The following ZDHHC11 variants were observed in gnomAD, a reference collection of about 807,000 sequenced individuals.
ZDHHC11 encodes the protein palmitoyltransferase ZDHHC11.
A neutral mutation model predicts 51.3 loss-of-function variants in ZDHHC11; 44 were observed. The ratio of observed to expected loss-of-function variants is 0.86; its 90% CI spans 0.67 to 1.10. The LOEUF (loss-of-function observed/expected upper bound fraction) is 1.10. ZDHHC11 is among the 50% of genes least tolerant of loss of function. The pLI, the probability that ZDHHC11 is intolerant of heterozygous loss-of-function variation, is 0.00. For synonymous variants in ZDHHC11, 163 were observed against 222.0 expected, an observed-to-expected ratio of 0.73 and a Z score of 2.36; for missense variants, 400 against 537.7, an observed-to-expected ratio of 0.74 and a Z score of 2.53.
At chr5:807,410 C>T (rs1739425938) in intron 11 of ZDHHC11, among the ~76,000 whole-genome samples, 1 of 151,080 alleles carries the variant, frequency 6.6e-6, no homozygotes, top group Non-Finnish European at 1.5e-5. Context: ...GAATAGGGGC[C>T]CCGTCTCAAC....
At chr5:833,255 A>C (rs1743297516) in intron 7 of ZDHHC11, among the ~76,000 whole-genome samples, 2 of 152,196 alleles carry the variant, frequency 1.3e-5, no homozygotes, top group African/African-American at 4.8e-5. Context: ...AATAAAACGA[A>C]CCGCACTGCA....
intron 7 of ZDHHC11, among the ~76,000 whole-genome samples, chr5:829,517 C>A (rs1429566934): frequency 6.6e-6 from 1 of 151,588 alleles, no homozygotes. Context: ...AAAAAATTGC[C>A]AACTAAAATA....
rs56138912 is a variant in ZDHHC11 at position 813,314 on chromosome 5, T to A, written c.1181+1447A>T. On this transcript the variant is annotated intron_variant, in intron 11 of 12. Coordinates refer to ENST00000283441, the MANE Select transcript of ZDHHC11 (RefSeq NM_024786.3). ...CTGCACTGCAGCCTGGGTGACAGAG[T>A]AAGACCCTGTCTCAAAAAAATAAAA... 3.3e-4 allele frequency among the ~76,000 whole-genome samples: 46 copies of A among 140,322 alleles called. 12 individuals carry two copies. The highest frequency in any genetic ancestry group is 1.6e-3 in the East Asian group (7 of 4,368). The allele number at this position is 140,322 out of a possible 152,430, so 92.1% of individuals were successfully genotyped here. A position where few individuals can be genotyped will look rare whatever the true frequency, so the allele number is the denominator to read the frequency against.
intron 11 of ZDHHC11, among the ~76,000 whole-genome samples, chr5:807,881 G>T (rs1324193447): frequency 1.3e-5 from 2 of 150,738 alleles, no homozygotes; most frequent in Admixed American, 1.3e-4. Context: ...TTGCATTCCT[G>T]TGAAGAGTGA....
chr5:829,939 C>T (rs568711664), intron 7 of ZDHHC11, among the ~76,000 whole-genome samples: 5 of 151,142 alleles, frequency 3.3e-5, no homozygotes, highest in Non-Finnish European at 7.4e-5. Context: ...CTCTGCCATC[C>T]CTTTATAAAT....
chr5:844,814 C>G, intron 3 of ZDHHC11, among the ~76,000 whole-genome samples: 1 of 152,308 alleles, frequency 6.6e-6, no homozygotes, highest in Non-Finnish European at 1.5e-5. Flanking sequence ...GAGACCAAAT[C>G]CACTCCCAGT....
At position 846,064 on chromosome 5, in the gene ZDHHC11, G is replaced by A. The variant is rs1300255040; in HGVS notation, c.503+1450C>T. On this transcript the variant is annotated intron_variant, in intron 3 of 12. Coordinates refer to ENST00000283441, the MANE Select transcript of ZDHHC11 (RefSeq NM_024786.3). Reference sequence around the variant, plus strand: ...GGGGCTAGCATGAGCCAGAGGAGCTGGCCCCACCTTGGCCATCGTGGAGCT... The same window carrying A: ...GGGGCTAGCATGAGCCAGAGGAGCTAGCCCCACCTTGGCCATCGTGGAGCT... 6.6e-5 allele frequency among the ~76,000 whole-genome samples: 10 copies of A among 150,576 alleles called. No homozygotes were observed. The East Asian group carries it at 1.2e-3, about 17-fold the overall frequency.
In ZDHHC11 at chr5:814,814, C is replaced by T. The variant is rs775536992; in HGVS notation, c.1147-19G>A. ...CTGCTTCCTGTGGGGGGAAGGGATG[C>T]AAAATTCATAGGATGAACAAAGACC... is the stretch of plus-strand genomic sequence containing the variant. On this transcript the variant is annotated intron_variant, in intron 10 of 12. Coordinates refer to ENST00000283441, the MANE Select transcript of ZDHHC11 (RefSeq NM_024786.3). 1 of 1,529,298 alleles carries T rather than the reference C, an allele frequency of 6.5e-7. No homozygotes were observed. Among genetic ancestry groups the T allele is most frequent in the African/African-American group, 1.4e-5 (1 of 71,862 alleles). 94.7% of individuals were successfully genotyped at this position (1,529,298 alleles called of 1,614,324 possible).
intron 7 of ZDHHC11, among the ~76,000 whole-genome samples, chr5:825,509 G>A (rs1437452305): frequency 2.6e-5 from 4 of 152,116 alleles, no homozygotes; most frequent in Non-Finnish European, 5.9e-5. Context: ...TCCACCCACC[G>A]TGTGAGACCT....
chr5:839,573 G>A (rs1744432873), intron 5 of ZDHHC11: 1 of 150,018 alleles, frequency 6.7e-6, no homozygotes, highest in African/African-American at 2.5e-5. Context: ...AACATCCCCA[G>A]GGTTGTGTGG....
At chr5:837,070 C>T (rs1332630712) in intron 6 of ZDHHC11, among the ~76,000 whole-genome samples, 1 of 152,132 alleles carries the variant, frequency 6.6e-6, no homozygotes, top group East Asian at 1.9e-4. Context: ...AAAAAAGATG[C>T]AAAAAGCACA....
upstream of ZDHHC11, among the ~76,000 whole-genome samples, chr5:859,848 TG>T (rs58754878): frequency 1.1e-3 from 171 of 151,800 alleles, no homozygotes; most frequent in Middle Eastern, 6.8e-3. Flanking sequence ...TCGTGTCGGT[TG>T]GGGGGGGTCC....
At position 806,058 on chromosome 5, in the gene ZDHHC11, G is replaced by A. The variant is rs151268213; in HGVS notation, c.1182-4894C>T. ...AGGTGTGGCAGGTGGGAGAATGGGG[G>A]AGGTGCTGGAAAGGAAAGAGTGGGG... is the stretch of plus-strand genomic sequence containing the variant. On this transcript the variant is annotated intron_variant, in intron 11 of 12. Coordinates refer to ENST00000283441, the MANE Select transcript of ZDHHC11 (RefSeq NM_024786.3). Among the ~76,000 whole-genome samples the A allele has an allele frequency of 2.3e-3, 353 of 151,450 alleles. 8 individuals carry two copies. Among genetic ancestry groups the A allele is most frequent in the South Asian group, 5.2e-3 (25 of 4,774 alleles).
intron 7 of ZDHHC11, among the ~76,000 whole-genome samples, chr5:829,528 T>G (rs555811858): frequency 9.8e-4 from 149 of 151,480 alleles, no homozygotes; most frequent in African/African-American, 1.9e-3. Flanking sequence ...AACTAAAATA[T>G]CCAGGATGTA....
chr5:823,786 C>G (rs1253903306), intron 8 of ZDHHC11: 1 of 303,926 alleles, frequency 3.3e-6, no homozygotes, highest in African/African-American at 2.2e-5. Flanking sequence ...GCTGCAGAGA[C>G]ACTGAGGGGA....
At chr5:851,376 C>G (rs973915311), upstream of ZDHHC11, among the ~76,000 whole-genome samples, 5 of 140,790 alleles carry the variant, frequency 3.6e-5, no homozygotes, top group Admixed American at 7.7e-5. Flanking sequence ...TGTCACAGAG[C>G]GGCAGTGAAA....
At chr5:816,902 C>A in intron 10 of ZDHHC11, 1 of 429,042 alleles carries the variant, frequency 2.3e-6, no homozygotes, top group Non-Finnish European at 4.6e-6. Context: ...AAGTCTATGG[C>A]TGAATTTTTC....
chr5:835,318 T>C (rs1177326769), intron 6 of ZDHHC11, among the ~76,000 whole-genome samples: 1 of 151,764 alleles, frequency 6.6e-6, no homozygotes, highest in Non-Finnish European at 1.5e-5. Context: ...AATTTCTCCC[T>C]ATTTAATGAT....
At chr5:850,025 T>C (rs2150468779) in intron 1 of ZDHHC11, among the ~76,000 whole-genome samples, 1 of 152,328 alleles carries the variant, frequency 6.6e-6, no homozygotes, top group African/African-American at 2.4e-5. Flanking sequence ...CTGTTCCTCC[T>C]TGGCACCAGG....
Sources: gnomAD v4.1 joint callset for allele counts (sites outside exome capture counted in the v4.1 genomes callset) on GRCh38, gnomAD v4.1.1 for gene constraint, MANE v1.5 for transcripts, NCBI Gene and HGNC (gene_info 2026-07-23, HGNC 2026-07-21) for gene names.